SOAT1: variants seen among roughly 807,000 people sequenced by gnomAD.
SOAT1 encodes the protein acyl-coenzyme A:cholesterol acyltransferase 1.
In SOAT1, 55 loss-of-function variants were observed where a neutral mutation model predicts 69.5. That is an observed-to-expected ratio of 0.79 (90% confidence interval 0.64 to 0.99). The LOEUF (loss-of-function observed/expected upper bound fraction) is 0.99. SOAT1 is among the 50% of genes least tolerant of loss of function. The pLI, the probability that SOAT1 is intolerant of heterozygous loss-of-function variation, is 0.00. For synonymous variants in SOAT1, 231 were observed against 224.7 expected, an observed-to-expected ratio of 1.03 and a Z score of -0.25; for missense variants, 580 against 669.3, an observed-to-expected ratio of 0.87 and a Z score of 1.47.
chr1:179,318,624 C>G (rs1472640083), intron 2 of SOAT1, among the ~76,000 whole-genome samples: 2 of 152,080 alleles, frequency 1.3e-5, no homozygotes, highest in East Asian at 3.8e-4. Context: ...TTTGCCATAA[C>G]CCCGCGCCTC....
intron 1 of SOAT1, among the ~76,000 whole-genome samples, chr1:179,300,694 T>A (rs1003709272): frequency 1.3e-5 from 2 of 152,192 alleles, no homozygotes; most frequent in African/African-American, 4.8e-5. Context: ...AATTTAAATA[T>A]ATATAGCTTT....
At chr1:179,297,041 A>T (rs574683409) in intron 1 of SOAT1, among the ~76,000 whole-genome samples, 1 of 152,220 alleles carries the variant, frequency 6.6e-6, no homozygotes, top group African/African-American at 2.4e-5. Flanking sequence ...GTTACCTGTG[A>T]CTTTGAACAA....
At chr1:179,345,945 A>G (rs1666519941) in intron 11 of SOAT1, among the ~76,000 whole-genome samples, 2 of 152,154 alleles carry the variant, frequency 1.3e-5, no homozygotes, top group South Asian at 4.1e-4. Context: ...ATAGAGATAT[A>G]TGAGTACCTA....
chr1:179,301,447 T>C (rs948095222), intron 1 of SOAT1, among the ~76,000 whole-genome samples: 2 of 152,174 alleles, frequency 1.3e-5, no homozygotes, highest in Non-Finnish European at 2.9e-5. Flanking sequence ...GTGGTCTTTG[T>C]AGTTTGGATC....
intron 6 of SOAT1, among the ~76,000 whole-genome samples, chr1:179,339,886 G>A (rs564418705): frequency 6.6e-6 from 1 of 152,292 alleles, no homozygotes; most frequent in Admixed American, 6.5e-5. Flanking sequence ...AATGTGTTTA[G>A]CACTCTGTAT....
intron 2 of SOAT1, among the ~76,000 whole-genome samples, chr1:179,320,789 G>A (rs1665569574): frequency 1.3e-5 from 2 of 152,054 alleles, no homozygotes; most frequent in Non-Finnish European, 2.9e-5. Flanking sequence ...AAGCTGGAGT[G>A]CAGTGGCATA....
At chr1:179,304,280 CTT>C (rs369740783) in intron 2 of SOAT1, among the ~76,000 whole-genome samples, 76 of 137,788 alleles carry the variant, frequency 5.5e-4, no homozygotes, top group African/African-American at 1.3e-3. Context: ...TCTTTCTCTC[CTT>C]TTTTTTTTTT....
chr1:179,309,917 T>C (rs1294857839), intron 2 of SOAT1, among the ~76,000 whole-genome samples: 1 of 152,102 alleles, frequency 6.6e-6, no homozygotes, highest in Non-Finnish European at 1.5e-5. Context: ...TTTTTTGAGA[T>C]GGAGTCTCGC....
chr1:179,293,970 C>T (rs1314020474), intron 1 of SOAT1, 34 bp downstream of exon 1: 1 of 152,380 alleles, frequency 6.6e-6, no homozygotes, highest in Non-Finnish European at 1.5e-5. Context: ...CTCCTCGCTT[C>T]CCGCTTGGGT....
At chr1:179,305,941 G>A (rs546378723) in intron 2 of SOAT1, among the ~76,000 whole-genome samples, 1 of 152,184 alleles carries the variant, frequency 6.6e-6, no homozygotes, top group Non-Finnish European at 1.5e-5. Context: ...AATAGAGACC[G>A]ATGGGGTTGG....
At chr1:179,310,339 G>A (rs570055485) in intron 2 of SOAT1, among the ~76,000 whole-genome samples, 1 of 149,874 alleles carries the variant, frequency 6.7e-6, no homozygotes, top group African/African-American at 2.5e-5. Flanking sequence ...TTTGAGTGAT[G>A]CATTCATCAT....
At chr1:179,344,872 C>G (rs909217490) in intron 10 of SOAT1, 75 bp from the exon 11 acceptor site, 8 of 1,447,212 alleles carry the variant, frequency 5.5e-6, no homozygotes, top group Non-Finnish European at 7.7e-6. Flanking sequence ...TCTGTACTTT[C>G]TTTTGGAGAG....
chr1:179,317,268 T>C (rs148533908), intron 2 of SOAT1, among the ~76,000 whole-genome samples: 2,263 of 152,302 alleles, frequency 0.015, 34 homozygotes, highest in Middle Eastern at 0.024. Context: ...GCGCGGTGGC[T>C]CACGCCTATA....
chr1:179,331,528 A>T (rs970960658), intron 3 of SOAT1, among the ~76,000 whole-genome samples: 1 of 152,246 alleles, frequency 6.6e-6, no homozygotes, highest in Non-Finnish European at 1.5e-5. Context: ...ATTTGAGGCC[A>T]GGAGTTCGAG....
intron 3 of SOAT1, among the ~76,000 whole-genome samples, chr1:179,328,437 A>G (rs936634862): frequency 7.2e-5 from 11 of 152,256 alleles, no homozygotes; most frequent in East Asian, 3.8e-4. Context: ...AGATATTTCA[A>G]TATAATAAAG....
intron 1 of SOAT1, among the ~76,000 whole-genome samples, chr1:179,295,041 CTG>C (rs997913651): frequency 1.6e-4 from 24 of 152,024 alleles, no homozygotes; most frequent in African/African-American, 4.8e-4. Flanking sequence ...GGAAGGAGCT[CTG>C]TGGCACTGAA....
chr1:179,342,976 C>T (rs776460104), intron 9 of SOAT1, 33 bp downstream of exon 9: 1 of 1,543,594 alleles, frequency 6.5e-7, no homozygotes, highest in South Asian at 1.1e-5. Flanking sequence ...ATGTGGTAAA[C>T]ACCAAAAGTG....
rs545736989 is a variant in SOAT1 at position 179,343,021 on chromosome 1, C to T, written c.941+78C>T. On this transcript the variant is annotated intron_variant, in intron 9 of 15. Coordinates refer to ENST00000367619, the MANE Select transcript of SOAT1 (RefSeq NM_003101.6). ...TGAGGTGGGATAGGTAAACAGGGGC[C>T]AGTTCATGTAGGGACATAGAAAATA... The T allele has an allele frequency of 1.7e-5, 18 of 1,079,582 alleles. No individual in the cohort carries two copies. The Middle Eastern group carries it at 6.0e-4, about 36-fold the overall frequency. The allele number at this position is 1,079,582 out of a possible 1,614,324, so 66.9% of individuals were successfully genotyped here. A position where few individuals can be genotyped will look rare whatever the true frequency, so the allele number is the denominator to read the frequency against.
Position 179,351,380 on chromosome 1 carries a change from C to T in SOAT1, c.1514C>T (p.Thr505Ile). 1 of 1,613,944 alleles carries T rather than the reference C, an allele frequency of 6.2e-7. No individual in the cohort carries two copies. The highest frequency in any genetic ancestry group is 1.1e-5 in the South Asian group (1 of 91,078). ...CCGATTTGGAATGTTCTGATGTGGA[C>T]TTCTCTTTTCTTGGGCAATGGAGTC... ...KKPIWNVLMW[T>I]SLFLGNGVLL... The change falls in exon 15 of 16, where the codon ACT becomes ATT. Residue 505 changes from threonine (T) to isoleucine (I), a missense_variant. By Grantham distance (89) the Thr-to-Ile change is moderately conservative (BLOSUM62 -1). Transcript: ENST00000367619.
Sources: gnomAD v4.1 joint callset for allele counts (sites outside exome capture counted in the v4.1 genomes callset) on GRCh38, gnomAD v4.1.1 for gene constraint, MANE v1.5 for transcripts, NCBI Gene and HGNC (gene_info 2026-07-23, HGNC 2026-07-21) for gene names.